Variants in THAP4 observed in about 807,000 individuals in gnomAD.
THAP4 encodes THAP domain containing 4, also known as peroxynitrite isomerase THAP4.
Under a neutral mutation model 48.1 loss-of-function variants are expected in THAP4, and 18 were observed. That is an observed-to-expected ratio of 0.37 (90% confidence interval 0.26 to 0.56). THAP4 has a LOEUF of 0.56. THAP4 is among the 20% of genes least tolerant of loss of function. THAP4 has a pLI of 0.78. For missense variants in THAP4, 656 were observed against 774.9 expected (o/e 0.85, Z 1.82); for synonymous variants, 345 against 324.9 (o/e 1.06, Z -0.66).
intron 2 of THAP4, among the ~76,000 whole-genome samples, chr2:241,624,902 C>T (rs957376831): frequency 9.9e-5 from 15 of 152,080 alleles, no homozygotes; most frequent in Non-Finnish European, 1.8e-4. Flanking sequence ...GTGGTCGGAG[C>T]GCCATTTTGC....
In THAP4 at chr2:241,616,885, C is replaced by T. The variant is rs1202762796; in HGVS notation, c.1241-10412G>A. 6.6e-6 allele frequency among the ~76,000 whole-genome samples: 1 copy of T among 152,154 alleles called. No homozygotes were observed. The highest frequency in any genetic ancestry group is 1.5e-5 in the Non-Finnish European group (1 of 68,040). ...TTTAATTTGGACAGGGACAACAGGT[C>T]AGGCAGTAAACAAGCAGCGGCGGCG... is the stretch of plus-strand genomic sequence containing the variant. On this transcript the variant is annotated intron_variant, in intron 2 of 5. Transcript: ENST00000407315. This position sits in a 1 kb window ranked among gnomAD's most constrained non-coding sequence, Gnocchi z 4.6.
intron 2 of THAP4, among the ~76,000 whole-genome samples, chr2:241,615,341 A>G (rs1212048297): frequency 6.6e-6 from 1 of 152,236 alleles, no homozygotes; most frequent in Non-Finnish European, 1.5e-5. Context: ...CTCAATAAAA[A>G]TGTTATAAAG....
rs1057108798 is a variant in THAP4, at chr2:241,633,747, G to A, written c.410C>T (p.Ala137Val). Residue 137 changes from alanine to valine, a missense_variant, in exon 2 of 6, where the codon GCC becomes GTC. Physicochemically the swap from Ala to Val is moderately conservative, Grantham distance 64. Transcript: ENST00000407315. The surrounding 1 kb of genome is among the most constrained non-coding windows in gnomAD (Gnocchi z 7.5). ...CTTCAACCTGCGGGACTCTGGCTTG[G>A]CCATCGGGTTTCCACTCGAGGACGG... is the stretch of plus-strand genomic sequence containing the variant. The part of the protein sequence containing the change: ...WSPSSSGNPM[A>V]KPESRRLKQA... 25 of 1,612,130 alleles carry A rather than the reference G, an allele frequency of 1.6e-5. No homozygotes were observed. The Admixed American group carries it at 2.8e-4, about 18-fold the overall frequency.
At chr2:241,622,054 C>G (rs139495659) in intron 2 of THAP4, among the ~76,000 whole-genome samples, 2,648 of 152,036 alleles carry the variant, frequency 0.017, 31 homozygotes, top group Non-Finnish European at 0.026. Flanking sequence ...TTTTCTAAAT[C>G]TCTGAAAAAG....
chr2:241,632,800 T>C lies in THAP4; in HGVS notation c.1240+117A>G, dbSNP rs141625740. 1.9e-3 allele frequency: 1,455 copies of C among 772,478 alleles called. 26 individuals are homozygous for C. In the African/African-American group the frequency reaches 0.023, roughly 12 times the overall value. 47.9% of individuals were successfully genotyped at this position (772,478 alleles called of 1,614,324 possible). On this transcript the variant is annotated intron_variant, in intron 2 of 5. Coordinates refer to ENST00000407315, the MANE Select transcript of THAP4 (RefSeq NM_015963.6). ...TATGGTTACGACCAGAGCTTCCTCC[T>C]GAGAGCGCAGGGAGCTTGTGACACC...
At chr2:241,597,027 C>T (rs191688847) in intron 5 of THAP4, among the ~76,000 whole-genome samples, 1 of 152,336 alleles carries the variant, frequency 6.6e-6, no homozygotes, top group East Asian at 1.9e-4. Flanking sequence ...AATTGTGCTA[C>T]ATTAGATGGC....
At chr2:241,600,333 G>C (rs571026885) in intron 5 of THAP4, among the ~76,000 whole-genome samples, 1 of 152,310 alleles carries the variant, frequency 6.6e-6, no homozygotes, top group East Asian at 1.9e-4. Flanking sequence ...TCACTCATCT[G>C]GAAGAGTTAG....
chr2:241,592,598 A>G (rs1430386641), intron 5 of THAP4, among the ~76,000 whole-genome samples: 1 of 152,182 alleles, frequency 6.6e-6, no homozygotes, highest in African/African-American at 2.4e-5. Flanking sequence ...CACAAACAGT[A>G]AAGACACTCA....
chr2:241,586,115 G>T (rs1245165584), intron 5 of THAP4, among the ~76,000 whole-genome samples: 2 of 150,870 alleles, frequency 1.3e-5, no homozygotes, highest in African/African-American at 4.9e-5. Context: ...AAATTAGCCG[G>T]GTGTGGTGGC....
At chr2:241,587,520 T>C (rs767537455) in intron 5 of THAP4, among the ~76,000 whole-genome samples, 3 of 152,222 alleles carry the variant, frequency 2.0e-5, no homozygotes, top group Non-Finnish European at 4.4e-5. Context: ...TTTATAACTA[T>C]TGAATGCTAC....
Position 241,633,934 on chromosome 2 carries a change from G to T in THAP4, c.223C>A (p.Leu75Met). The T allele has an allele frequency of 5.0e-6, 8 of 1,614,176 alleles. No homozygotes were observed. Among genetic ancestry groups the T allele is most frequent in the Non-Finnish European group, 6.8e-6 (8 of 1,180,026 alleles). The change falls in exon 2 of 6, where the codon CTG (leucine) becomes ATG (methionine). Residue 75 changes from leucine (L) to methionine (M), a missense_variant. Around this residue, in one of 4 missense-constraint regions of THAP4, gnomAD observed 30 missense variants for 60.1 expected, o/e 0.50. Coordinates refer to ENST00000407315, the MANE Select transcript of THAP4 (RefSeq NM_015963.6). This position sits in a 1 kb window ranked among gnomAD's most constrained non-coding sequence, Gnocchi z 7.5. Reference sequence around the variant, plus strand: ...GATGGCACGGCCGTGGGCTTCAGCAGGCGATGCTGGTCCTCCAGCCTCTTG... The same window carrying T: ...GATGGCACGGCCGTGGGCTTCAGCATGCGATGCTGGTCCTCCAGCCTCTTG... The part of the protein sequence containing the change: ...FSKRLEDQHR[L>M]LKPTAVPSIF...
chr2:241,612,708 AAC>A lies in THAP4; in HGVS notation c.1241-6237_1241-6236del, dbSNP rs2067291528. The stretch of plus-strand genomic sequence containing the variant: ...AATTCCATTTCTGTGAAAGGTGCAG[AAC>A]ACACACATCTACAGAGACAGAACGT... On this transcript the variant is annotated intron_variant, in intron 2 of 5. Coordinates refer to ENST00000407315, the MANE Select transcript of THAP4 (RefSeq NM_015963.6). This position sits in a 1 kb window ranked among gnomAD's most constrained non-coding sequence, Gnocchi z 4.1. Among the ~76,000 whole-genome samples the A allele has an allele frequency of 6.6e-6, 1 of 152,254 alleles. No homozygotes were observed. Among genetic ancestry groups the A allele is most frequent in the Admixed American group, 6.5e-5 (1 of 15,290 alleles).
intron 5 of THAP4, chr2:241,592,244 G>C (rs963364427): frequency 2.6e-5 from 4 of 152,412 alleles, no homozygotes; most frequent in Admixed American, 2.6e-4. Context: ...GACCTGCCTC[G>C]TCTCAGGGCT....
intron 5 of THAP4, among the ~76,000 whole-genome samples, chr2:241,599,865 T>C (rs988239085): frequency 6.6e-6 from 1 of 152,132 alleles, no homozygotes; most frequent in African/African-American, 2.4e-5. Context: ...AATATACAGC[T>C]GTGAGAGCTA....
chr2:241,630,611 C>T (rs2067544727), intron 2 of THAP4, among the ~76,000 whole-genome samples: 1 of 152,120 alleles, frequency 6.6e-6, no homozygotes, highest in Admixed American at 6.5e-5. Context: ...AAACCACTGT[C>T]TCTACTAAAA....
intron 2 of THAP4, among the ~76,000 whole-genome samples, chr2:241,615,901 G>A (rs35957552): frequency 0.33 from 49,531 of 152,068 alleles, 8,409 homozygotes; most frequent in South Asian, 0.46. Context: ...AGTAGGTTTC[G>A]CGTTCCTCAG....
chr2:241,603,902 C>T (rs988105632), intron 3 of THAP4, among the ~76,000 whole-genome samples: 1 of 151,828 alleles, frequency 6.6e-6, no homozygotes, highest in Non-Finnish European at 1.5e-5. Context: ...GCCGTAATCC[C>T]AGCACTTCAG....
At chr2:241,593,375 T>A (rs2125069837) in intron 5 of THAP4, among the ~76,000 whole-genome samples, 1 of 152,190 alleles carries the variant, frequency 6.6e-6, no homozygotes, top group African/African-American at 2.4e-5. Flanking sequence ...CAGCACTGTG[T>A]CTCCTGCAAC....
chr2:241,637,197 A>C (rs1382094797), upstream of THAP4: 6 of 983,610 alleles, frequency 6.1e-6, no homozygotes, highest in East Asian at 2.3e-4. Flanking sequence ...CCCCCGCCCC[A>C]GCCCCCGCCC....
Sources: allele counts gnomAD v4.1 joint callset (sites outside exome capture counted in the v4.1 genomes callset), GRCh38; gene constraint gnomAD v4.1.1; regional missense constraint gnomAD v4.1.1; non-coding constraint Gnocchi (gnomAD v3.1); transcripts MANE v1.5; gene names NCBI Gene and HGNC (gene_info 2026-07-23, HGNC 2026-07-21).